ROBO2: variants seen among roughly 807,000 people sequenced by gnomAD.
The protein encoded by ROBO2 is roundabout homolog 2.
ROBO2 carries 53 observed loss-of-function variants against 160.8 expected under a neutral mutation model. The ratio of observed to expected loss-of-function variants is 0.33; its 90% CI spans 0.26 to 0.41. The LOEUF is 0.41. Among genes scored for constraint, ROBO2 ranks in the 10% least tolerant of loss-of-function variants. ROBO2 has a pLI of 1.00. For synonymous variants in ROBO2, 664 were observed against 611.7 expected, an observed-to-expected ratio of 1.09 and a Z score of -1.26; for missense variants, 1,577 against 1,722.4, an observed-to-expected ratio of 0.92 and a Z score of 1.49.
chr3:77,346,970 A>C (rs1332287622), intron 2 of ROBO2, among the ~76,000 whole-genome samples: 1 of 152,140 alleles, frequency 6.6e-6, no homozygotes, highest in African/African-American at 2.4e-5. Flanking sequence ...TCAGCTGGTA[A>C]GTAACCTTAA....
chr3:76,307,070 C>A (rs1046225991), intron 2 of ROBO2, among the ~76,000 whole-genome samples: 3 of 152,160 alleles, frequency 2.0e-5, no homozygotes, highest in Admixed American at 6.5e-5. Flanking sequence ...CTAGCCCCTG[C>A]CTACCGCTGC....
chr3:77,405,533 C>T (rs2076185390), intron 2 of ROBO2, among the ~76,000 whole-genome samples: 1 of 151,882 alleles, frequency 6.6e-6, no homozygotes, highest in Admixed American at 6.6e-5. Flanking sequence ...CTTAACATTG[C>T]AGGTAGAACT....
intron 2 of ROBO2, among the ~76,000 whole-genome samples, chr3:76,461,949 A>G (rs868114641): frequency 3.3e-5 from 5 of 152,280 alleles, no homozygotes; most frequent in Middle Eastern, 6.8e-3. Context: ...GCATAAAAGG[A>G]CCAGATTAAG....
intron 2 of ROBO2, among the ~76,000 whole-genome samples, chr3:76,736,069 G>A (rs1287055409): frequency 6.6e-6 from 1 of 151,612 alleles, no homozygotes; most frequent in Non-Finnish European, 1.5e-5. Context: ...GGATCACGAG[G>A]TCAGGAGATC....
In ROBO2 at chr3:75,975,829, G is replaced by A. The variant is rs114715135; in HGVS notation, c.109+38227G>A. Among the ~76,000 whole-genome samples, 1,456 of 151,604 alleles carry A rather than the reference G, an allele frequency of 9.6e-3. 12 individuals are homozygous for A. The highest frequency in any genetic ancestry group is 0.015 in the Non-Finnish European group (1,008 of 67,700). On this transcript the variant is annotated intron_variant, in intron 2 of 26. Transcript: ENST00000487694. ...ACAAAATCCCATCTGGCTATAATTG[G>A]GAGAGATACTTACTAATGGGAGACA... is the stretch of plus-strand genomic sequence containing the variant.
At chr3:77,266,283 C>T (rs953881585) in intron 2 of ROBO2, among the ~76,000 whole-genome samples, 1 of 151,686 alleles carries the variant, frequency 6.6e-6, no homozygotes, top group Admixed American at 6.6e-5. Context: ...TTATAAATTG[C>T]AATCTAACCT....
At chr3:76,346,948 G>A (rs567711734) in intron 2 of ROBO2, among the ~76,000 whole-genome samples, 17 of 152,218 alleles carry the variant, frequency 1.1e-4, no homozygotes, top group African/African-American at 3.9e-4. Context: ...AGATGATGCA[G>A]TCTGATAGAT....
At chr3:77,326,877 T>C (rs1158145714) in intron 2 of ROBO2, among the ~76,000 whole-genome samples, 1 of 152,226 alleles carries the variant, frequency 6.6e-6, no homozygotes, top group Non-Finnish European at 1.5e-5. Flanking sequence ...TTTTCTTCCT[T>C]ACTGCGTTCT....
At chr3:77,117,442 G>T (rs1250834893) in intron 2 of ROBO2, among the ~76,000 whole-genome samples, 1 of 152,048 alleles carries the variant, frequency 6.6e-6, no homozygotes, top group African/African-American at 2.4e-5. Context: ...TTGCTGAATG[G>T]TTCTTTTAAC....
At chr3:77,324,716 A>G (rs1250638390) in intron 2 of ROBO2, among the ~76,000 whole-genome samples, 1 of 147,470 alleles carries the variant, frequency 6.8e-6, no homozygotes, top group Non-Finnish European at 1.5e-5. Context: ...TGGGAGGCGG[A>G]GCTTGCAGTG....
intron 2 of ROBO2, among the ~76,000 whole-genome samples, chr3:76,454,236 T>A (rs1203507764): frequency 2.0e-5 from 3 of 152,152 alleles, no homozygotes; most frequent in Non-Finnish European, 4.4e-5. Flanking sequence ...TTTAAAAAAT[T>A]TGAAGTGCTA....
At chr3:76,104,140 GA>G (rs1468198971) in intron 2 of ROBO2, among the ~76,000 whole-genome samples, 1 of 152,148 alleles carries the variant, frequency 6.6e-6, no homozygotes, top group Admixed American at 6.5e-5. Flanking sequence ...CAAATCTGGA[GA>G]AAATATACAA....
intron 2 of ROBO2, among the ~76,000 whole-genome samples, chr3:76,556,291 A>C (rs2083787630): frequency 6.6e-6 from 1 of 152,158 alleles, no homozygotes; most frequent in African/African-American, 2.4e-5. Flanking sequence ...GGCATGAAGA[A>C]ATTGGAGGGA....
chr3:76,559,523 T>G (rs943217755), intron 2 of ROBO2, among the ~76,000 whole-genome samples: 1 of 152,236 alleles, frequency 6.6e-6, no homozygotes, highest in South Asian at 2.1e-4. Flanking sequence ...ATGTACAAAC[T>G]TTTTGAAGAC....
chr3:75,949,978 C>T (rs989220340), intron 2 of ROBO2, among the ~76,000 whole-genome samples: 1 of 151,692 alleles, frequency 6.6e-6, no homozygotes, highest in Non-Finnish European at 1.5e-5. Flanking sequence ...ACATTAAGTG[C>T]CATCTGGGAA....
intron 2 of ROBO2, among the ~76,000 whole-genome samples, chr3:76,361,860 A>C (rs2075542180): frequency 2.0e-5 from 3 of 152,120 alleles, no homozygotes; most frequent in Non-Finnish European, 4.4e-5. Context: ...CTGATATTTA[A>C]GAAAGAGTAA....
chr3:77,047,127 A>G (rs960864920), intron 1 of ROBO2, among the ~76,000 whole-genome samples: 1 of 152,178 alleles, frequency 6.6e-6, no homozygotes, highest in African/African-American at 2.4e-5. Context: ...GAATTCCAGG[A>G]AAAGAAGTAA....
intron 2 of ROBO2, among the ~76,000 whole-genome samples, chr3:77,215,152 C>G (rs1257220539): frequency 1.3e-5 from 2 of 152,210 alleles, no homozygotes; most frequent in Non-Finnish European, 2.9e-5. Flanking sequence ...GGAAGTTCTC[C>G]TGGATAATAT....
chr3:76,530,336 C>T (rs1446827427), intron 2 of ROBO2, among the ~76,000 whole-genome samples: 1 of 152,196 alleles, frequency 6.6e-6, no homozygotes, highest in Non-Finnish European at 1.5e-5. Flanking sequence ...ACTCAGACTT[C>T]CCTGCCTTGA....
Sources: allele counts gnomAD v4.1 joint callset (sites outside exome capture counted in the v4.1 genomes callset), GRCh38; gene constraint gnomAD v4.1.1; transcripts MANE v1.5; gene names NCBI Gene and HGNC (gene_info 2026-07-23, HGNC 2026-07-21).